The following ADGRL3 variants were observed in gnomAD, a reference collection of about 807,000 sequenced individuals.
ADGRL3 encodes adhesion G protein-coupled receptor L3, also known as calcium-independent alpha-latrotoxin receptor 3.
In ADGRL3, 62 loss-of-function variants were observed where a neutral mutation model predicts 153.5. The observed-to-expected ratio is 0.40, with a 90% CI of 0.33 to 0.50. The LOEUF is 0.50. ADGRL3 is among the 20% of genes least tolerant of loss of function. The probability of loss-of-function intolerance (pLI) is 0.47; values close to 1 mark genes in which losing one functional copy is unlikely to be tolerated. For missense variants in ADGRL3, 1,641 were observed against 1,859.4 expected (o/e 0.88, Z 2.16); for synonymous variants, 710 against 672.5 (o/e 1.06, Z -0.86).
At chr4:61,533,907 T>C (rs1157160972) in intron 4 of ADGRL3, among the ~76,000 whole-genome samples, 1 of 152,144 alleles carries the variant, frequency 6.6e-6, no homozygotes, top group African/African-American at 2.4e-5. Context: ...TTTTATTTTA[T>C]TTCAGATTCA....
intron 4 of ADGRL3, among the ~76,000 whole-genome samples, chr4:61,546,911 T>A (rs572377215): frequency 6.6e-6 from 1 of 152,308 alleles, no homozygotes; most frequent in Admixed American, 6.5e-5. Flanking sequence ...CTCACTTTCA[T>A]CTTGCTCATG....
intron 11 of ADGRL3, among the ~76,000 whole-genome samples, chr4:61,899,026 C>G (rs1481727465): frequency 6.6e-6 from 1 of 152,028 alleles, no homozygotes; most frequent in Non-Finnish European, 1.5e-5. Context: ...GATGCCTACT[C>G]CCAGGTAGCC....
At position 61,711,483 on chromosome 4, in the gene ADGRL3, T is replaced by C. The variant is rs1189569529; in HGVS notation, c.584-19139T>C. Among the ~76,000 whole-genome samples, 444 of 104,330 alleles carry C rather than the reference T, an allele frequency of 4.3e-3. 32 individuals are homozygous for C. Among genetic ancestry groups the C allele is most frequent in the African/African-American group, 0.015 (429 of 28,376 alleles). 68.4% of individuals were successfully genotyped at this position (104,330 alleles called of 152,430 possible). ...TTATATATATATATATATATATATA[T>C]ATATATATACACACACACACACACA... On this transcript the variant is annotated intron_variant, in intron 6 of 26. Coordinates refer to ENST00000683033, the MANE Select transcript of ADGRL3 (RefSeq NM_001387552.1).
At chr4:62,020,462 T>C (rs1225636250) in intron 21 of ADGRL3, among the ~76,000 whole-genome samples, 1 of 152,036 alleles carries the variant, frequency 6.6e-6, no homozygotes, top group Non-Finnish European at 1.5e-5. Flanking sequence ...CCAGGAAACA[T>C]TGTAAATTTT....
intron 1 of ADGRL3, among the ~76,000 whole-genome samples, chr4:61,241,711 T>TA (rs1755044470): frequency 1.3e-5 from 2 of 152,004 alleles, no homozygotes; most frequent in Admixed American, 1.3e-4. Flanking sequence ...ACTTAATGTA[T>TA]AAACCTTTTT....
chr4:61,708,505 AT>A (rs1349150856), intron 6 of ADGRL3, among the ~76,000 whole-genome samples: 2 of 151,150 alleles, frequency 1.3e-5, no homozygotes, highest in South Asian at 2.1e-4. Context: ...ATTATTTGAA[AT>A]TTTCATATTG....
chr4:62,014,347 G>T lies in ADGRL3; in HGVS notation c.3396-14508G>T, dbSNP rs180938677. ...GAAACACCCAAAAATGAAGTTTAGGGTATAAGGGAATTTGTTGAGTTTGGA... is the reference window on the plus strand; with the variant it reads ...GAAACACCCAAAAATGAAGTTTAGGTTATAAGGGAATTTGTTGAGTTTGGA... On this transcript the variant is annotated intron_variant, in intron 21 of 26. Transcript: ENST00000683033. Among the ~76,000 whole-genome samples, 284 of 152,206 alleles carry T rather than the reference G, an allele frequency of 1.9e-3. 4 individuals are homozygous for T. Among genetic ancestry groups the T allele is most frequent in the East Asian group, 4.3e-3 (22 of 5,166 alleles).
intron 3 of ADGRL3, among the ~76,000 whole-genome samples, chr4:61,510,170 G>T (rs1243573489): frequency 1.3e-5 from 2 of 152,152 alleles, no homozygotes; most frequent in Non-Finnish European, 2.9e-5. Context: ...ATGTTTGTCA[G>T]ATGCATAGTT....
intron 8 of ADGRL3, among the ~76,000 whole-genome samples, chr4:61,770,058 C>T (rs985679845): frequency 2.0e-5 from 3 of 152,174 alleles, no homozygotes; most frequent in Non-Finnish European, 2.9e-5. Flanking sequence ...GCCATACAGA[C>T]AGCTTCAAAC....
chr4:61,590,640 G>A (rs2098965657), intron 5 of ADGRL3, among the ~76,000 whole-genome samples: 1 of 152,096 alleles, frequency 6.6e-6, no homozygotes, highest in Non-Finnish European at 1.5e-5. Context: ...TTTGGCAGAT[G>A]AGAAAACTCA....
At chr4:61,385,460 A>C (rs373198887) in intron 2 of ADGRL3, 1 of 152,186 alleles carries the variant, frequency 6.6e-6, no homozygotes, top group African/African-American at 2.4e-5. Flanking sequence ...CTCTTTCACA[A>C]ACTAGTGTGT....
intron 11 of ADGRL3, among the ~76,000 whole-genome samples, chr4:61,899,402 A>AAT (rs746725022): frequency 9.2e-5 from 14 of 152,026 alleles, no homozygotes; most frequent in Admixed American, 4.6e-4. Flanking sequence ...AGATATCTTT[A>AAT]ATGTTTCATT....
At chr4:61,744,434 C>A (rs945456991) in intron 8 of ADGRL3, among the ~76,000 whole-genome samples, 1 of 151,786 alleles carries the variant, frequency 6.6e-6, no homozygotes, top group East Asian at 2.0e-4. Context: ...TGACCCCTGA[C>A]CCCCGAGCAG....
intron 9 of ADGRL3, among the ~76,000 whole-genome samples, chr4:61,872,437 G>C (rs747657381): frequency 1.6e-4 from 24 of 148,048 alleles, no homozygotes; most frequent in Non-Finnish European, 3.0e-4. Flanking sequence ...AATAAGAAGT[G>C]GTCTCTGAAA....
chr4:61,557,306 G>A (rs2098771693), intron 4 of ADGRL3, among the ~76,000 whole-genome samples: 1 of 152,154 alleles, frequency 6.6e-6, no homozygotes, highest in East Asian at 1.9e-4. Context: ...TCCTTAAATA[G>A]CAGGAACACT....
chr4:61,754,616 A>ATT (rs2096798120), intron 8 of ADGRL3, among the ~76,000 whole-genome samples: 3 of 151,012 alleles, frequency 2.0e-5, no homozygotes, highest in African/African-American at 7.3e-5. Context: ...GTATATATAT[A>ATT]TATTTATTTA....
chr4:61,875,103 C>T lies in ADGRL3; in HGVS notation c.1481-17553C>T, dbSNP rs567623485. On this transcript the variant is annotated intron_variant, in intron 9 of 26. Coordinates refer to ENST00000683033, the MANE Select transcript of ADGRL3 (RefSeq NM_001387552.1). Reference sequence around the variant, plus strand: ...GATTACAGGCGTGAGCCACCGCGCCCGGCCCAAAATGCTCTTTTATAGTCA... The same window carrying T: ...GATTACAGGCGTGAGCCACCGCGCCTGGCCCAAAATGCTCTTTTATAGTCA... Among the ~76,000 whole-genome samples the T allele has an allele frequency of 3.4e-4, 51 of 151,850 alleles. 1 individual carries two copies. The highest frequency in any genetic ancestry group is 5.0e-4 in the Non-Finnish European group (34 of 67,958).
chr4:62,016,227 T>G (rs1255626829), intron 21 of ADGRL3, among the ~76,000 whole-genome samples: 1 of 152,086 alleles, frequency 6.6e-6, no homozygotes, highest in African/African-American at 2.4e-5. Flanking sequence ...TTTTGTATTT[T>G]TAGTAGAGAT....
chr4:61,564,863 G>A (rs1220932664), intron 4 of ADGRL3, among the ~76,000 whole-genome samples: 1 of 152,180 alleles, frequency 6.6e-6, no homozygotes, highest in Admixed American at 6.5e-5. Flanking sequence ...AGGAAGAGAG[G>A]AGATGGGAAA....
Sources: gnomAD v4.1 joint callset for allele counts (sites outside exome capture counted in the v4.1 genomes callset) on GRCh38, gnomAD v4.1.1 for gene constraint, MANE v1.5 for transcripts, NCBI Gene and HGNC (gene_info 2026-07-23, HGNC 2026-07-21) for gene names.